The following RICTOR variants were observed in gnomAD, a reference collection of about 807,000 sequenced individuals.
RICTOR encodes RPTOR independent companion of MTOR complex 2.
In RICTOR, 49 loss-of-function variants were observed where a neutral mutation model predicts 214.9. That is an observed-to-expected ratio of 0.23 (90% CI 0.18 to 0.29). The LOEUF (loss-of-function observed/expected upper bound fraction) is 0.29. Ranked by LOEUF, RICTOR falls within the 10% of genes least tolerant of loss-of-function variation. The pLI is 1.00. For missense variants in RICTOR, 1,625 were observed against 2,047.0 expected, an observed-to-expected ratio of 0.79 and a Z score of 3.98; for synonymous variants, 717 against 711.3, an observed-to-expected ratio of 1.01 and a Z score of -0.13.
At position 39,031,038 on chromosome 5, in the gene RICTOR, T is replaced by C. The variant is rs550719541; in HGVS notation, c.98-9902A>G. On this transcript the variant is annotated intron_variant, in intron 2 of 37. Coordinates refer to ENST00000357387, the MANE Select transcript of RICTOR (RefSeq NM_152756.5). ...AACAAAGCTTTAGTTCCTGTCATTA[T>C]CTCTTCTTCTAGGCTTCATACAAGG... Among the ~76,000 whole-genome samples the C allele has an allele frequency of 4.6e-5, 7 of 152,278 alleles. No individual in the cohort carries two copies. In the East Asian group the frequency reaches 1.4e-3, roughly 29 times the overall value.
intron 7 of RICTOR, among the ~76,000 whole-genome samples, chr5:38,990,354 G>A (rs1414538777): frequency 1.3e-5 from 2 of 151,174 alleles, no homozygotes; most frequent in Non-Finnish European, 2.9e-5. Flanking sequence ...GGTCGGGGGA[G>A]GGACAGCATT....
At chr5:39,061,136 A>G (rs2150205588) in intron 2 of RICTOR, among the ~76,000 whole-genome samples, 1 of 152,232 alleles carries the variant, frequency 6.6e-6, no homozygotes, top group East Asian at 1.9e-4. Context: ...ACACATAACC[A>G]GTACTCAATA....
rs1748486110 is a variant in RICTOR, at chr5:38,949,292, T to A, written c.4136+420A>T. ...TAAAGTGAAAATAATTTCACTGAAATTTTCATTTATCTTTTTAAAAAAATA... is the reference window on the plus strand; with the variant it reads ...TAAAGTGAAAATAATTTCACTGAAAATTTCATTTATCTTTTTAAAAAAATA... On this transcript the variant is annotated intron_variant, in intron 31 of 37. Transcript: ENST00000357387. 1.0e-5 allele frequency: 11 copies of A among 1,058,736 alleles called. No individual in the cohort carries two copies. In the South Asian group the frequency reaches 1.8e-4, roughly 17 times the overall value. The allele number at this position is 1,058,736 out of a possible 1,614,324, so 65.6% of individuals were successfully genotyped here. A position where few individuals can be genotyped will look rare whatever the true frequency, so the allele number is the denominator to read the frequency against.
chr5:38,978,928 A>G (rs1751465180), intron 8 of RICTOR, among the ~76,000 whole-genome samples: 1 of 152,220 alleles, frequency 6.6e-6, no homozygotes. Flanking sequence ...AAAACATTAT[A>G]GGCATCCTCA....
At chr5:38,950,763 C>A in intron 30 of RICTOR, 43 bp from the exon 31 acceptor site, 1 of 1,482,926 alleles carries the variant, frequency 6.7e-7, no homozygotes, top group East Asian at 2.3e-5. Flanking sequence ...TATAAAATGA[C>A]AAATTCATGA....
intron 16 of RICTOR, among the ~76,000 whole-genome samples, chr5:38,964,539 TATG>T (rs1427494733): frequency 2.0e-5 from 3 of 151,932 alleles, no homozygotes; most frequent in Non-Finnish European, 4.4e-5. Flanking sequence ...TTTTTAGTAA[TATG>T]ATAACCATTC....
chr5:38,976,215 G>C (rs766337419), intron 9 of RICTOR, among the ~76,000 whole-genome samples: 1 of 152,026 alleles, frequency 6.6e-6, no homozygotes, highest in Non-Finnish European at 1.5e-5. Context: ...TTGGCTTATG[G>C]CCAGTTTCAA....
chr5:39,040,761 ATATC>A (rs1284983021), intron 2 of RICTOR, among the ~76,000 whole-genome samples: 6 of 152,092 alleles, frequency 3.9e-5, no homozygotes, highest in Non-Finnish European at 8.8e-5. Context: ...ATAGCTCTGT[ATATC>A]TACGCAGTAT....
chr5:39,022,228 C>G (rs1755480705), intron 2 of RICTOR, among the ~76,000 whole-genome samples: 1 of 152,306 alleles, frequency 6.6e-6, no homozygotes, highest in Middle Eastern at 3.4e-3. Flanking sequence ...TGACTTAAGA[C>G]ATTTTCAACT....
intron 2 of RICTOR, among the ~76,000 whole-genome samples, chr5:39,073,057 C>A (rs1016859195): frequency 6.6e-5 from 10 of 152,228 alleles, no homozygotes; most frequent in African/African-American, 2.4e-4. Context: ...TAACAAATTA[C>A]TGTAGATAAC....
intron 2 of RICTOR, among the ~76,000 whole-genome samples, chr5:39,038,812 A>AAG (rs1756941664): frequency 6.6e-6 from 1 of 152,142 alleles, no homozygotes. Context: ...CAATGAAATA[A>AAG]AAGAGGATAC....
At chr5:38,981,634 CATA>C (rs1266414348) in intron 8 of RICTOR, 6 of 372,192 alleles carry the variant, frequency 1.6e-5, no homozygotes, top group Non-Finnish European at 2.9e-5. Flanking sequence ...ATAAACTTTT[CATA>C]GATAATACAA....
intron 10 of RICTOR, among the ~76,000 whole-genome samples, chr5:38,974,445 A>G (rs929111138): frequency 4.6e-5 from 7 of 152,208 alleles, no homozygotes; most frequent in African/African-American, 1.7e-4. Context: ...ACATCATTAC[A>G]GGAAGCGTAG....
At position 38,953,531 on chromosome 5, in the gene RICTOR, C is replaced by T. The variant is rs202045287; in HGVS notation, c.2720G>A (p.Arg907His). The T allele has an allele frequency of 5.5e-5, 78 of 1,413,894 alleles. No homozygotes were observed. Among genetic ancestry groups the T allele is most frequent in the Middle Eastern group, 1.8e-4 (1 of 5,408 alleles). The allele number at this position is 1,413,894 out of a possible 1,614,324, so 87.6% of individuals were successfully genotyped here. ...ATCCAAATCTGGTGTACGAACATTACGACAGAGTTCTGTAATAATATTCTG... is the reference window on the plus strand; with the variant it reads ...ATCCAAATCTGGTGTACGAACATTATGACAGAGTTCTGTAATAATATTCTG... ...EVQNIITELCRNVRTPDLDKW... is the reference protein window; with the variant it reads ...EVQNIITELCHNVRTPDLDKW... Residue 907 changes from arginine to histidine, a missense_variant, in exon 28 of 38, where the codon CGT (arginine) becomes CAT (histidine). This residue lies in a region of RICTOR where 1,214 missense variants were observed against 1,470.5 expected (regional missense o/e 0.83). Coordinates refer to ENST00000357387, the MANE Select transcript of RICTOR (RefSeq NM_152756.5).
chr5:38,963,149 A>G, intron 16 of RICTOR, 108 bp from the exon 17 acceptor site: 1 of 686,760 alleles, frequency 1.5e-6, no homozygotes, highest in Admixed American at 3.1e-5. Context: ...AGAAATTATT[A>G]TTGATAAAGT....
At chr5:38,944,835 A>T (rs1561435669) in intron 35 of RICTOR, 78 bp downstream of exon 35, 9 of 1,363,800 alleles carry the variant, frequency 6.6e-6, no homozygotes, top group Non-Finnish European at 9.4e-6. Context: ...AATTTACAGT[A>T]TTTACGAAAA....
intron 3 of RICTOR, among the ~76,000 whole-genome samples, chr5:39,014,789 T>C (rs1754815573): frequency 6.6e-6 from 1 of 152,184 alleles, no homozygotes; most frequent in South Asian, 2.1e-4. Context: ...AAGGATCACA[T>C]CACTAGCTCC....
At chr5:38,967,903 TA>T (rs763523680) in intron 12 of RICTOR, 39 bp downstream of exon 12, 1 of 1,019,116 alleles carries the variant, frequency 9.8e-7, no homozygotes, top group Non-Finnish European at 1.5e-6. Context: ...AAATAAAAAT[TA>T]CAATATATGA....
intron 2 of RICTOR, among the ~76,000 whole-genome samples, chr5:39,028,013 G>T (rs1483740998): frequency 6.6e-6 from 1 of 151,072 alleles, no homozygotes; most frequent in African/African-American, 2.5e-5. Flanking sequence ...AGCAAAAGAG[G>T]ATAAGAGGCC....
Sources: allele counts gnomAD v4.1 joint callset (sites outside exome capture counted in the v4.1 genomes callset), GRCh38; gene constraint gnomAD v4.1.1; regional missense constraint gnomAD v4.1.1; transcripts MANE v1.5; gene names NCBI Gene and HGNC (gene_info 2026-07-23, HGNC 2026-07-21).